Variants in WBP1L observed in about 807,000 individuals in gnomAD.
WBP1L encodes WW domain binding protein 1 like, also known as WW domain binding protein 1-like.
Under a neutral mutation model 33.7 loss-of-function variants are expected in WBP1L, and 17 were observed. The observed-to-expected ratio is 0.50, with a 90% CI of 0.34 to 0.76. The LOEUF (loss-of-function observed/expected upper bound fraction) is 0.76, where lower values mean the gene tolerates loss of function less well. WBP1L is among the 30% of genes least tolerant of loss of function. The pLI is 0.01. For missense variants in WBP1L, 389 were observed against 469.4 expected, an observed-to-expected ratio of 0.83 and a Z score of 1.58; for synonymous variants, 173 against 190.8, an observed-to-expected ratio of 0.91 and a Z score of 0.77.
intron 1 of WBP1L, among the ~76,000 whole-genome samples, chr10:102,796,688 A>G (rs1843577704): frequency 6.6e-6 from 1 of 152,178 alleles, no homozygotes. Context: ...GGGGATAAGG[A>G]CAATGTCTTA....
intron 1 of WBP1L, among the ~76,000 whole-genome samples, chr10:102,786,178 C>T (rs776383374): frequency 3.9e-5 from 6 of 152,024 alleles, no homozygotes; most frequent in South Asian, 2.1e-4. Flanking sequence ...TGGATGGGAG[C>T]GTAGCTAACA....
chr10:102,802,918 C>A (rs575841807), intron 2 of WBP1L, among the ~76,000 whole-genome samples: 1 of 152,330 alleles, frequency 6.6e-6, no homozygotes, highest in African/African-American at 2.4e-5. Flanking sequence ...TAAGAACTTA[C>A]CATACATCAG....
In WBP1L at chr10:102,772,945, G is replaced by A. The variant is rs1438656565; in HGVS notation, c.91-25048G>A. On this transcript the variant is annotated intron_variant, in intron 1 of 3. Coordinates refer to ENST00000448841, the MANE Select transcript of WBP1L (RefSeq NM_001083913.2). Reference sequence around the variant, plus strand: ...ACTTCCTTTTTTTTTTTTTTTTTAAGTTGGTGAATTCAGCATTGAATTTAA... The same window carrying A: ...ACTTCCTTTTTTTTTTTTTTTTTAAATTGGTGAATTCAGCATTGAATTTAA... 3.9e-5 allele frequency among the ~76,000 whole-genome samples: 5 copies of A among 128,642 alleles called. No individual in the cohort carries two copies. In the South Asian group the frequency reaches 1.2e-3, roughly 32 times the overall value. The allele number at this position is 128,642 out of a possible 152,430, so 84.4% of individuals were successfully genotyped here.
chr10:102,747,839 T>C (rs1428864620), intron 1 of WBP1L, among the ~76,000 whole-genome samples: 1 of 151,508 alleles, frequency 6.6e-6, no homozygotes, highest in African/African-American at 2.4e-5. Context: ...AAACAGAATA[T>C]TTGACTATGT....
intron 1 of WBP1L, among the ~76,000 whole-genome samples, chr10:102,783,686 G>T (rs960376429): frequency 6.6e-6 from 1 of 152,258 alleles, no homozygotes; most frequent in Non-Finnish European, 1.5e-5. Flanking sequence ...TCACAGCTAG[G>T]GGAGTAGGAA....
rs189713813 is a variant in WBP1L at position 102,760,090 on chromosome 10, A to G, written c.90+15947A>G. On this transcript the variant is annotated intron_variant, in intron 1 of 3. Coordinates refer to ENST00000448841, the MANE Select transcript of WBP1L (RefSeq NM_001083913.2). ...GTTTCTCATTGTGATTTTGATTTGC[A>G]TTTCCCTAATGACTAGTAATATCAA... Among the ~76,000 whole-genome samples the G allele has an allele frequency of 3.4e-4, 51 of 152,218 alleles. 1 individual carries two copies. The Middle Eastern group carries it at 0.01, about 30-fold the overall frequency.
intron 1 of WBP1L, among the ~76,000 whole-genome samples, chr10:102,792,790 T>C (rs2134054822): frequency 6.6e-6 from 1 of 152,168 alleles, no homozygotes; most frequent in African/African-American, 2.4e-5. Flanking sequence ...AGACGGGGTT[T>C]CTCCATGCTG....
At chr10:102,812,301 G>A (rs1407800699) in intron 3 of WBP1L, among the ~76,000 whole-genome samples, 8 of 152,294 alleles carry the variant, frequency 5.3e-5, no homozygotes, top group South Asian at 2.1e-4. Context: ...CATCTACCAC[G>A]TTTGCCTAAT....
Position 102,816,027 on chromosome 10 carries a change from CGG to C in WBP1L, c.*2697_*2698del, listed in dbSNP as rs1843937823. 2 of 152,588 alleles carry C rather than the reference CGG, an allele frequency of 1.3e-5. No homozygotes were observed. Among genetic ancestry groups the C allele is most frequent in the African/African-American group, 4.8e-5 (2 of 41,424 alleles). 9.5% of individuals were successfully genotyped at this position (152,588 alleles called of 1,614,324 possible). On this transcript the variant is annotated 3_prime_UTR_variant, in exon 4 of 4. Transcript: ENST00000448841. ...GCTTTCCACGTGAATGAGACGGGGT[CGG>C]TGGAGGGTTTGGTGCTACAGCCAGT...
At chr10:102,761,291 C>T (rs1161441933) in intron 1 of WBP1L, among the ~76,000 whole-genome samples, 1 of 151,690 alleles carries the variant, frequency 6.6e-6, no homozygotes, top group African/African-American at 2.4e-5. Flanking sequence ...AGGCACCTAC[C>T]ACCATGCCTG....
intron 1 of WBP1L, among the ~76,000 whole-genome samples, chr10:102,797,075 A>G (rs891776244): frequency 6.6e-6 from 1 of 152,222 alleles, no homozygotes. Context: ...AAAATGATCT[A>G]GCAGATTGAA....
chr10:102,752,979 G>T (rs1842939415), intron 1 of WBP1L, among the ~76,000 whole-genome samples: 1 of 152,130 alleles, frequency 6.6e-6, no homozygotes, highest in Non-Finnish European at 1.5e-5. Flanking sequence ...CCTGTCTTTT[G>T]AATGCCTGTC....
At chr10:102,784,996 A>C (rs7904248) in intron 1 of WBP1L, among the ~76,000 whole-genome samples, 82,239 of 150,900 alleles carry the variant, frequency 0.54, 22,900 homozygotes, top group Middle Eastern at 0.65. Context: ...CCGCCTCAGC[A>C]TCCCAGGTAG....
intron 1 of WBP1L, among the ~76,000 whole-genome samples, chr10:102,789,747 C>CTTT (rs759423576): frequency 7.2e-6 from 1 of 138,234 alleles, no homozygotes. Context: ...AATTTTGTAT[C>CTTT]TTTTTTTTTT....
At chr10:102,780,643 T>A (rs570779781) in intron 1 of WBP1L, among the ~76,000 whole-genome samples, 50 of 152,314 alleles carry the variant, frequency 3.3e-4, no homozygotes, top group African/African-American at 1.2e-3. Flanking sequence ...TACAGTCAGC[T>A]AGGGAAAGTA....
chr10:102,761,190 A>G (rs1843036168), intron 1 of WBP1L, among the ~76,000 whole-genome samples: 1 of 138,522 alleles, frequency 7.2e-6, no homozygotes, highest in African/African-American at 2.8e-5. Flanking sequence ...CCCAGGCTGG[A>G]GTGCAGTGGC....
At chr10:102,796,068 G>A (rs80145945) in intron 1 of WBP1L, among the ~76,000 whole-genome samples, 1 of 152,240 alleles carries the variant, frequency 6.6e-6, no homozygotes, top group East Asian at 1.9e-4. Flanking sequence ...GGTGTGAATG[G>A]CATACATGGC....
chr10:102,801,699 G>A (rs7909612), intron 2 of WBP1L, among the ~76,000 whole-genome samples: 79,958 of 151,820 alleles, frequency 0.53, 21,889 homozygotes, highest in Middle Eastern at 0.63. Flanking sequence ...CCAGGCATCA[G>A]TTTCCCCTGG....
chr10:102,752,549 C>T (rs1023633477), intron 1 of WBP1L, among the ~76,000 whole-genome samples: 10 of 152,124 alleles, frequency 6.6e-5, no homozygotes, highest in Admixed American at 3.3e-4. Flanking sequence ...CCATCTTGAA[C>T]TTTCTTTCCT....
Sources: allele counts gnomAD v4.1 joint callset (sites outside exome capture counted in the v4.1 genomes callset), GRCh38; gene constraint gnomAD v4.1.1; transcripts MANE v1.5; gene names NCBI Gene and HGNC (gene_info 2026-07-23, HGNC 2026-07-21).